The following NAV3 variants were observed in gnomAD, a reference collection of about 807,000 sequenced individuals.
NAV3 encodes pore membrane and/or filament interacting like protein 1.
Under a neutral mutation model 244.7 loss-of-function variants are expected in NAV3, and 87 were observed. The ratio of observed to expected loss-of-function variants is 0.36; its 90% CI spans 0.30 to 0.42. The LOEUF is 0.42. Ranked by LOEUF, NAV3 falls within the 20% of genes least tolerant of loss-of-function variation. The probability of loss-of-function intolerance (pLI) is 1.00; values close to 1 mark genes in which losing one functional copy is unlikely to be tolerated. For synonymous variants in NAV3, 1,126 were observed against 1,042.2 expected, an observed-to-expected ratio of 1.08 and a Z score of -1.55; for missense variants, 2,663 against 2,893.3, an observed-to-expected ratio of 0.92 and a Z score of 1.83.
chr12:77,892,659 C>A (rs1384063538), intron 1 of NAV3, among the ~76,000 whole-genome samples: 2 of 152,156 alleles, frequency 1.3e-5, no homozygotes, highest in South Asian at 2.1e-4. Flanking sequence ...TTGTGATCCA[C>A]CCACCTTGGC....
chr12:77,955,539 T>G (rs1891285545), intron 3 of NAV3, among the ~76,000 whole-genome samples: 1 of 152,146 alleles, frequency 6.6e-6, no homozygotes, highest in African/African-American at 2.4e-5. Context: ...TACTAATAAC[T>G]TTCTCCTTTC....
intron 23 of NAV3, 53 bp from the exon 24 acceptor site, chr12:78,168,702 G>A (rs1039185933): frequency 1.7e-5 from 20 of 1,175,004 alleles, no homozygotes; most frequent in Middle Eastern, 2.0e-4. Flanking sequence ...TGAGCAGGGA[G>A]ATTTTATTTT....
intron 2 of NAV3, among the ~76,000 whole-genome samples, chr12:77,661,365 A>G (rs971956056): frequency 2.6e-5 from 4 of 152,082 alleles, no homozygotes; most frequent in Admixed American, 6.6e-5. Context: ...CTAGTCATTT[A>G]TATACTGTCT....
intron 3 of NAV3, among the ~76,000 whole-genome samples, chr12:77,965,125 G>A (rs1188839769): frequency 6.6e-6 from 1 of 152,094 alleles, no homozygotes; most frequent in Non-Finnish European, 1.5e-5. Flanking sequence ...CTTCTTTATT[G>A]TAGAATCTAA....
intron 5 of NAV3, among the ~76,000 whole-genome samples, chr12:77,971,077 A>T (rs113581364): frequency 6.6e-6 from 1 of 151,910 alleles, no homozygotes; most frequent in Admixed American, 6.6e-5. Flanking sequence ...TTATTTTCCT[A>T]TTCTTCTTGC....
chr12:77,982,008 A>G (rs1869656310), intron 5 of NAV3, among the ~76,000 whole-genome samples: 1 of 152,150 alleles, frequency 6.6e-6, no homozygotes, highest in Admixed American at 6.6e-5. Context: ...ATTTTCTATA[A>G]AATTTCTTAA....
intron 9 of NAV3, among the ~76,000 whole-genome samples, chr12:78,033,766 G>T (rs1341338120): frequency 6.6e-6 from 1 of 152,100 alleles, no homozygotes; most frequent in Non-Finnish European, 1.5e-5. Flanking sequence ...CCTTTCCAGG[G>T]TTCACCCCTC....
At chr12:78,062,767 C>T (rs1038801241) in intron 12 of NAV3, among the ~76,000 whole-genome samples, 1 of 151,970 alleles carries the variant, frequency 6.6e-6, no homozygotes, top group African/African-American at 2.4e-5. Context: ...TTTGTGGTTC[C>T]CAACTACTTT....
At chr12:77,797,904 C>A (rs190878055) in intron 2 of NAV3, among the ~76,000 whole-genome samples, 112 of 151,856 alleles carry the variant, frequency 7.4e-4, no homozygotes, top group African/African-American at 2.6e-3. Flanking sequence ...TACAGTGGCT[C>A]ATGCCTGTAA....
At chr12:77,665,254 C>G (rs1873664882) in intron 2 of NAV3, among the ~76,000 whole-genome samples, 1 of 152,156 alleles carries the variant, frequency 6.6e-6, no homozygotes, top group Non-Finnish European at 1.5e-5. Flanking sequence ...TAAGCTCAGT[C>G]AAGGACATAT....
chr12:78,201,068 C>CTTT (rs1959633055), intron 38 of NAV3, among the ~76,000 whole-genome samples: 1 of 75,018 alleles, frequency 1.3e-5, no homozygotes, highest in South Asian at 8.6e-4. Context: ...TGTTTCTTCT[C>CTTT]CTTCTTTTTT....
chr12:77,691,668 G>T (rs1030113273), intron 2 of NAV3, among the ~76,000 whole-genome samples: 38 of 151,524 alleles, frequency 2.5e-4, no homozygotes, highest in African/African-American at 9.0e-4. Context: ...TTCACAAATG[G>T]TGTACCTTTA....
intron 2 of NAV3, among the ~76,000 whole-genome samples, chr12:77,652,462 A>G (rs1872869929): frequency 6.6e-6 from 1 of 152,196 alleles, no homozygotes; most frequent in African/African-American, 2.4e-5. Context: ...TTCACTTTTT[A>G]CAATCTCAAA....
At chr12:77,706,346 A>G (rs1407570127) in intron 2 of NAV3, among the ~76,000 whole-genome samples, 1 of 151,396 alleles carries the variant, frequency 6.6e-6, no homozygotes. Context: ...ATAGTTATTC[A>G]AAGACTATGA....
At chr12:78,026,907 A>G (rs541654721) in intron 9 of NAV3, among the ~76,000 whole-genome samples, 16 of 152,366 alleles carry the variant, frequency 1.1e-4, no homozygotes, top group Middle Eastern at 3.4e-3. Context: ...CAGAAAAGAT[A>G]GGACTTATAT....
chr12:78,089,168 C>T (rs897173529), intron 12 of NAV3, among the ~76,000 whole-genome samples: 1 of 151,998 alleles, frequency 6.6e-6, no homozygotes, highest in East Asian at 1.9e-4. Flanking sequence ...ATTCCCTTCC[C>T]CTTTTCCCAA....
chr12:78,079,992 A>G (rs1953264686), intron 12 of NAV3, among the ~76,000 whole-genome samples: 1 of 152,234 alleles, frequency 6.6e-6, no homozygotes, highest in African/African-American at 2.4e-5. Flanking sequence ...GAGTTAATAT[A>G]TTAACCACAA....
chr12:78,103,561 C>T (rs1954645668), intron 12 of NAV3, among the ~76,000 whole-genome samples: 1 of 152,174 alleles, frequency 6.6e-6, no homozygotes, highest in Non-Finnish European at 1.5e-5. Flanking sequence ...TACCAACTTA[C>T]TTTGTTAGTC....
intron 2 of NAV3, among the ~76,000 whole-genome samples, chr12:77,588,120 A>G (rs140246986): frequency 5.3e-5 from 8 of 152,146 alleles, no homozygotes; most frequent in Admixed American, 5.2e-4. Context: ...GGGTCAGTAA[A>G]AATATCTATT....
Sources: allele counts gnomAD v4.1 joint callset (sites outside exome capture counted in the v4.1 genomes callset), GRCh38; gene constraint gnomAD v4.1.1; transcripts MANE v1.5; gene names NCBI Gene and HGNC (gene_info 2026-07-23, HGNC 2026-07-21).